The following LYZL2 variants were observed in gnomAD, a reference collection of about 807,000 sequenced individuals.
The protein encoded by LYZL2 is lysozyme like 2.
A neutral mutation model predicts 17.1 loss-of-function variants in LYZL2; 13 were observed. The observed-to-expected ratio is 0.76, with a 90% confidence interval of 0.49 to 1.21. The LOEUF is 1.21. Ranked by LOEUF, LYZL2 falls within the 50% of genes most tolerant of loss-of-function variation. The pLI, the probability that LYZL2 is intolerant of heterozygous loss-of-function variation, is 0.00. For missense variants in LYZL2, 166 were observed against 189.2 expected (o/e 0.88, Z 0.72); for synonymous variants, 63 against 74.4 (o/e 0.85, Z 0.79).
chr10:30,616,273 GAGAAA>G (rs1393107128), intron 3 of LYZL2, among the ~76,000 whole-genome samples: 1 of 152,150 alleles, frequency 6.6e-6, no homozygotes, highest in East Asian at 1.9e-4. Flanking sequence ...TATTAACCAG[GAGAAA>G]AAGTAACAAA....
At chr10:30,616,408 G>C (rs1433406814) in intron 3 of LYZL2, among the ~76,000 whole-genome samples, 1 of 152,236 alleles carries the variant, frequency 6.6e-6, no homozygotes, top group African/African-American at 2.4e-5. Flanking sequence ...TTGCCAGCCT[G>C]GTGCGGTGGC....
chr10:30,624,221 A>G (rs1331637066), intron 3 of LYZL2, among the ~76,000 whole-genome samples: 1 of 152,202 alleles, frequency 6.6e-6, no homozygotes, highest in Non-Finnish European at 1.5e-5. Context: ...GTTGGCGTCA[A>G]TGGATTCCCA....
intron 3 of LYZL2, among the ~76,000 whole-genome samples, chr10:30,625,854 T>C (rs1238873532): frequency 1.3e-5 from 2 of 152,220 alleles, no homozygotes; most frequent in Non-Finnish European, 2.9e-5. Flanking sequence ...AGTAGGGTTG[T>C]TTGTCCATCC....
the LYZL2 span, among the ~76,000 whole-genome samples, chr10:30,606,596 C>T: frequency 9.2e-5 from 14 of 152,034 alleles, no homozygotes; most frequent in Non-Finnish European, 1.8e-4. Flanking sequence ...TTCCCATGGC[C>T]GTGCATGGCA....
chr10:30,614,512 G>A (rs1838497848), intron 3 of LYZL2, among the ~76,000 whole-genome samples: 1 of 152,242 alleles, frequency 6.6e-6, no homozygotes, highest in Non-Finnish European at 1.5e-5. Flanking sequence ...TCACACAACT[G>A]CAGCGGGGGC....
intron 1 of LYZL2, 137 bp from the exon 2 acceptor site, chr10:30,627,077 C>G: frequency 1.6e-6 from 2 of 1,262,084 alleles, no homozygotes; most frequent in Non-Finnish European, 2.2e-6. Context: ...GGAAAACCGG[C>G]CACTCTACGG....
intron 1 of LYZL2, among the ~76,000 whole-genome samples, chr10:30,628,909 CT>C (rs1226040799): frequency 3.6e-4 from 55 of 152,336 alleles, no homozygotes; most frequent in African/African-American, 1.2e-3. Context: ...CATAGCTACT[CT>C]CATCATTTGG....
At chr10:30,609,095 T>A (rs404311), downstream of LYZL2, among the ~76,000 whole-genome samples, 3 of 152,006 alleles carry the variant, frequency 2.0e-5, no homozygotes, top group Admixed American at 6.5e-5. Flanking sequence ...TGCCTTGGCA[T>A]CCTACAGTGT....
intron 3 of LYZL2, among the ~76,000 whole-genome samples, chr10:30,614,516 C>T (rs1193586953): frequency 1.1e-4 from 17 of 152,216 alleles, no homozygotes; most frequent in Non-Finnish European, 2.2e-4. Context: ...ACAACTGCAG[C>T]GGGGGCAGCA....
chr10:30,619,666 G>A (rs185717500), intron 3 of LYZL2, among the ~76,000 whole-genome samples: 6,012 of 148,962 alleles, frequency 0.04, 142 homozygotes, highest in South Asian at 0.048. Context: ...ATCACACACC[G>A]GGGACTGTTG....
intron 3 of LYZL2, among the ~76,000 whole-genome samples, chr10:30,614,006 C>T (rs530081369): frequency 1.3e-5 from 2 of 152,072 alleles, no homozygotes; most frequent in South Asian, 2.1e-4. Flanking sequence ...CACCATGCCC[C>T]GCCACCTATT....
intron 2 of LYZL2, 60 bp from the exon 3 acceptor site, chr10:30,626,323 G>A: frequency 6.3e-7 from 1 of 1,591,166 alleles, no homozygotes; most frequent in Non-Finnish European, 8.6e-7. Context: ...CTCTAAGCTT[G>A]GTCTAAGGGC....
rs114757429 is a variant in LYZL2 at position 30,624,863 on chromosome 10, G to A, written c.298+1242C>T. ...AAGCAGAGAATCTTGCCCAGCTGTGGTTACAGAGAGATCCCATGACAGAAG... is the reference window on the plus strand; with the variant it reads ...AAGCAGAGAATCTTGCCCAGCTGTGATTACAGAGAGATCCCATGACAGAAG... On this transcript the variant is annotated intron_variant, in intron 3 of 4. Coordinates refer to ENST00000647634, the MANE Select transcript of LYZL2 (RefSeq NM_183058.3). 7.7e-3 allele frequency among the ~76,000 whole-genome samples: 1,173 copies of A among 152,276 alleles called. 14 individuals carry two copies. The highest frequency in any genetic ancestry group is 0.026 in the African/African-American group (1,088 of 41,552).
chr10:30,624,718 G>A (rs1223636459), intron 3 of LYZL2, among the ~76,000 whole-genome samples: 1 of 152,200 alleles, frequency 6.6e-6, no homozygotes, highest in Non-Finnish European at 1.5e-5. Flanking sequence ...GACAGAGTCT[G>A]GCTGTAGGGT....
intron 3 of LYZL2, among the ~76,000 whole-genome samples, chr10:30,623,977 C>T (rs1473089193): frequency 6.6e-6 from 1 of 152,182 alleles, no homozygotes; most frequent in Admixed American, 6.5e-5. Flanking sequence ...TGGGATCATC[C>T]TTCACTCTCA....
chr10:30,606,991 G>A (rs1032454016), downstream of LYZL2, among the ~76,000 whole-genome samples: 36 of 149,926 alleles, frequency 2.4e-4, no homozygotes, highest in Admixed American at 8.0e-4. Context: ...TTGGCTTGCT[G>A]CCTCCACCTC....
downstream of LYZL2, among the ~76,000 whole-genome samples, chr10:30,607,409 A>G (rs1420137558): frequency 3.3e-5 from 5 of 151,936 alleles, no homozygotes; most frequent in African/African-American, 4.8e-5. Context: ...GTGTAAGGAA[A>G]CGGATTCTTT....
chr10:30,611,049 C>T (rs1165113010), downstream of LYZL2, among the ~76,000 whole-genome samples: 3 of 152,036 alleles, frequency 2.0e-5, no homozygotes, highest in Non-Finnish European at 4.4e-5. Flanking sequence ...CTGCATGTGT[C>T]CTGTTTCTGA....
intron 2 of LYZL2, 96 bp from the exon 3 acceptor site, chr10:30,626,359 C>T (rs1250147370): frequency 9.1e-6 from 14 of 1,546,654 alleles, no homozygotes; most frequent in Non-Finnish European, 1.2e-5. Flanking sequence ...TGTTACCTGA[C>T]TGCTTCCTCC....
Sources: allele counts gnomAD v4.1 joint callset (sites outside exome capture counted in the v4.1 genomes callset), GRCh38; gene constraint gnomAD v4.1.1; transcripts MANE v1.5; gene names NCBI Gene and HGNC (gene_info 2026-07-23, HGNC 2026-07-21).